KCTD9: variants seen among roughly 807,000 people sequenced by gnomAD.
The protein encoded by KCTD9 is BTB/POZ domain-containing protein KCTD9.
In KCTD9, 17 loss-of-function variants were observed where a neutral mutation model predicts 53.3. The ratio of observed to expected loss-of-function variants is 0.32; its 90% CI spans 0.22 to 0.48. KCTD9 has a LOEUF of 0.48. Ranked by LOEUF, KCTD9 falls within the 20% of genes least tolerant of loss-of-function variation. The pLI is 0.99. For synonymous variants in KCTD9, 128 were observed against 162.7 expected (o/e 0.79, Z 1.62); for missense variants, 179 against 465.5 (o/e 0.38, Z 5.66).
intron 4 of KCTD9, among the ~76,000 whole-genome samples, chr8:25,440,215 C>T (rs568157028): frequency 7.9e-5 from 12 of 151,596 alleles, no homozygotes; most frequent in African/African-American, 2.2e-4. Context: ...CCCGCCACTA[C>T]GCCCGGCTAA....
rs1208278617 is a variant in KCTD9, at chr8:25,447,935, T to G, written c.49-1685A>C. Among the ~76,000 whole-genome samples the G allele has an allele frequency of 3.9e-5, 6 of 152,230 alleles. No homozygotes were observed. In the East Asian group the frequency reaches 1.2e-3, roughly 29 times the overall value. On this transcript the variant is annotated intron_variant, in intron 1 of 11. Coordinates refer to ENST00000221200, the MANE Select transcript of KCTD9 (RefSeq NM_017634.4). ...TGAGCCCAGGAGTTCGAGACCTGCCTGGCCAACATGGTGAAACATGGTCTC... is the reference window on the plus strand; with the variant it reads ...TGAGCCCAGGAGTTCGAGACCTGCCGGGCCAACATGGTGAAACATGGTCTC...
At position 25,439,040 on chromosome 8, in the gene KCTD9, A is replaced by C. The variant is rs189833058; in HGVS notation, c.499+239T>G. ...AATATAAAGTTGATGCGTATGGCTT[A>C]CATATTTAGCTATATGTACAAAGAC... On this transcript the variant is annotated intron_variant, in intron 6 of 11. Transcript: ENST00000221200. Among the ~76,000 whole-genome samples the C allele has an allele frequency of 2.1e-3, 324 of 152,366 alleles. 2 individuals carry two copies. The South Asian group carries it at 0.027, about 13-fold the overall frequency.
intron 1 of KCTD9, among the ~76,000 whole-genome samples, chr8:25,454,517 C>T (rs1313330204): frequency 1.3e-5 from 2 of 152,176 alleles, no homozygotes; most frequent in East Asian, 1.9e-4. Context: ...TGCAAGTCCC[C>T]ATTTCAATTT....
chr8:25,455,703 G>A (rs11987149), intron 1 of KCTD9, among the ~76,000 whole-genome samples: 61,290 of 151,898 alleles, frequency 0.4, 12,742 homozygotes, highest in African/African-American at 0.51. Flanking sequence ...TTAATGTGCC[G>A]GTTGTAAGCT....
chr8:25,437,333 G>A lies in KCTD9; in HGVS notation c.500-848C>T, dbSNP rs141703578. 9.2e-4 allele frequency among the ~76,000 whole-genome samples: 140 copies of A among 152,248 alleles called. 2 individuals are homozygous for A. Among genetic ancestry groups the A allele is most frequent in the African/African-American group, 3.1e-3 (129 of 41,538 alleles). On this transcript the variant is annotated intron_variant, in intron 6 of 11. Coordinates refer to ENST00000221200, the MANE Select transcript of KCTD9 (RefSeq NM_017634.4). ...CTCTTAGGGAATGCAGCCAGGATAC[G>A]TTTCCAATTCTAGGTTTAGAATTAA... is the stretch of plus-strand genomic sequence containing the variant.
intron 1 of KCTD9, chr8:25,451,616 T>G (rs956147957): frequency 1.1e-4 from 17 of 152,324 alleles, no homozygotes; most frequent in African/African-American, 4.1e-4. Flanking sequence ...ATTATACTAC[T>G]TTTCAGAGTC....
intron 6 of KCTD9, 24 bp downstream of exon 6, chr8:25,439,255 T>A (rs770006390): frequency 1.3e-6 from 2 of 1,556,750 alleles, no homozygotes; most frequent in East Asian, 2.3e-5. Context: ...TACATAATTA[T>A]ATTGAAAGTC....
At chr8:25,431,689 C>G (rs1024803964) in intron 11 of KCTD9, among the ~76,000 whole-genome samples, 1 of 152,090 alleles carries the variant, frequency 6.6e-6, no homozygotes, top group Non-Finnish European at 1.5e-5. Context: ...TAGGATTATA[C>G]TTAGGCCAAT....
At chr8:25,454,687 A>G (rs1014780888) in intron 1 of KCTD9, among the ~76,000 whole-genome samples, 2 of 152,250 alleles carry the variant, frequency 1.3e-5, no homozygotes, top group Admixed American at 6.5e-5. Flanking sequence ...CAAAGATTCC[A>G]GTGATTAGAA....
chr8:25,449,154 G>A (rs929596822), intron 1 of KCTD9, among the ~76,000 whole-genome samples: 4 of 152,220 alleles, frequency 2.6e-5, no homozygotes, highest in African/African-American at 9.7e-5. Context: ...AAAGGAGCAA[G>A]AGATTGACCA....
At chr8:25,448,355 A>G (rs1284223498) in intron 1 of KCTD9, among the ~76,000 whole-genome samples, 1 of 152,184 alleles carries the variant, frequency 6.6e-6, no homozygotes. Context: ...AGAGAAAGAA[A>G]GCAGAATAAA....
intron 1 of KCTD9, among the ~76,000 whole-genome samples, chr8:25,454,236 G>A (rs893314995): frequency 1.2e-4 from 18 of 152,128 alleles, no homozygotes; most frequent in African/African-American, 4.3e-4. Flanking sequence ...GTTATTTCTT[G>A]GACCAAGAAT....
intron 1 of KCTD9, chr8:25,457,161 T>C (rs1802458799): frequency 6.4e-6 from 1 of 157,338 alleles, no homozygotes; most frequent in Admixed American, 6.5e-5. Context: ...TCGGAGCATG[T>C]TTACTCTACA....
At chr8:25,444,152 G>C in intron 3 of KCTD9, 140 bp downstream of exon 3, 1 of 746,822 alleles carries the variant, frequency 1.3e-6, no homozygotes. Flanking sequence ...ACCCAATGCA[G>C]AATCAAAAAG....
intron 1 of KCTD9, among the ~76,000 whole-genome samples, chr8:25,456,068 G>A (rs899742014): frequency 2.6e-5 from 4 of 152,214 alleles, no homozygotes; most frequent in Admixed American, 2.0e-4. Flanking sequence ...GACAATTCCT[G>A]GCGAGCATAT....
At chr8:25,439,554 C>T in intron 5 of KCTD9, 52 bp downstream of exon 5, 1 of 1,600,642 alleles carries the variant, frequency 6.2e-7, no homozygotes, top group Admixed American at 1.7e-5. Flanking sequence ...ATAAAGTCAG[C>T]ACAGATATAA....
chr8:25,458,199 C>T lies in KCTD9; in HGVS notation c.48G>A (p.Lys16=), dbSNP rs780690924. ...LFLNGSPKNG[K]VVAVYGTLSD... The stretch of plus-strand genomic sequence containing the variant: ...CCGCGCCCCCTCACGCCCCCGTTAC[C>T]TTTCCGTTCTTGGGGCTGCCGTTCA... The change falls in exon 1 of 12, where the codon AAG becomes AAA. Residue 16 remains lysine, a splice_region_variant and synonymous_variant. Coordinates refer to ENST00000221200, the MANE Select transcript of KCTD9 (RefSeq NM_017634.4). The T allele has an allele frequency of 1.9e-6, 3 of 1,608,180 alleles. No homozygotes were observed. The highest frequency in any genetic ancestry group is 8.5e-7 in the Non-Finnish European group (1 of 1,178,228).
chr8:25,435,641 G>A (rs1015814108), intron 8 of KCTD9, 129 bp from the exon 9 acceptor site: 1 of 683,010 alleles, frequency 1.5e-6, no homozygotes, highest in Non-Finnish European at 2.4e-6. Flanking sequence ...GTTTATTACA[G>A]AACATGATAA....
intron 9 of KCTD9, among the ~76,000 whole-genome samples, chr8:25,433,902 T>G (rs889570308): frequency 2.0e-5 from 3 of 152,172 alleles, no homozygotes; most frequent in African/African-American, 7.2e-5. Context: ...ATGCTACTAC[T>G]GCCCTCAAGT....
Sources: allele counts gnomAD v4.1 joint callset (sites outside exome capture counted in the v4.1 genomes callset), GRCh38; gene constraint gnomAD v4.1.1; transcripts MANE v1.5; gene names NCBI Gene and HGNC (gene_info 2026-07-23, HGNC 2026-07-21).